RYR2: variants seen among roughly 807,000 people sequenced by gnomAD.
The protein encoded by RYR2 is ryanodine receptor 2.
In RYR2, 227 loss-of-function variants were observed where a neutral mutation model predicts 601.1. The observed-to-expected ratio is 0.38, with a 90% CI of 0.34 to 0.42. The LOEUF is 0.42. Ranked by LOEUF, RYR2 falls within the 10% of genes least tolerant of loss-of-function variation. The pLI is 1.00. For missense variants in RYR2, 4,646 were observed against 6,156.5 expected (o/e 0.75, Z 8.21); for synonymous variants, 2,223 against 2,175.1 (o/e 1.02, Z -0.61).
intron 3 of RYR2, among the ~76,000 whole-genome samples, chr1:237,339,097 T>G (rs1262150166): frequency 6.6e-6 from 1 of 152,154 alleles, no homozygotes; most frequent in African/African-American, 2.4e-5. Context: ...AGAATTAAAC[T>G]CCATTAAAAT....
At chr1:237,090,656 T>C (rs557501924) in intron 1 of RYR2, among the ~76,000 whole-genome samples, 1 of 152,348 alleles carries the variant, frequency 6.6e-6, no homozygotes, top group Non-Finnish European at 1.5e-5. Context: ...GAAACTAATA[T>C]AGGAATATAG....
intron 3 of RYR2, among the ~76,000 whole-genome samples, chr1:237,336,926 T>C (rs984459688): frequency 6.7e-6 from 1 of 149,324 alleles, no homozygotes; most frequent in Non-Finnish European, 1.5e-5. Context: ...AAAACCCCTA[T>C]CTCTTTAAGA....
At chr1:237,535,768 G>A (rs1668554794) in intron 25 of RYR2, among the ~76,000 whole-genome samples, 1 of 152,172 alleles carries the variant, frequency 6.6e-6, no homozygotes, top group Non-Finnish European at 1.5e-5. Context: ...TATCCTAGTA[G>A]TGAAAAGATA....
chr1:237,135,888 T>C (rs1407498320), intron 1 of RYR2, among the ~76,000 whole-genome samples: 1 of 152,188 alleles, frequency 6.6e-6, no homozygotes, highest in Non-Finnish European at 1.5e-5. Context: ...AGAGGTGGTG[T>C]GTGCAGGGGC....
At chr1:237,774,179 GT>G (rs574471828) in intron 87 of RYR2, among the ~76,000 whole-genome samples, 386 of 152,022 alleles carry the variant, frequency 2.5e-3, no homozygotes, top group Non-Finnish European at 4.4e-3. Context: ...AAAATTCTGG[GT>G]TTTTCTGCAA....
intron 1 of RYR2, among the ~76,000 whole-genome samples, chr1:237,185,976 A>G (rs529554163): frequency 1.3e-5 from 2 of 152,272 alleles, no homozygotes; most frequent in Admixed American, 6.5e-5. Flanking sequence ...TCAGGATTGC[A>G]CTGACACAAA....
intron 1 of RYR2, among the ~76,000 whole-genome samples, chr1:237,169,552 C>T (rs988738982): frequency 1.3e-5 from 2 of 152,154 alleles, no homozygotes; most frequent in African/African-American, 2.4e-5. Flanking sequence ...TCACCTCGAC[C>T]TCCCAAAGTG....
chr1:237,517,532 A>G (rs1457842577), intron 24 of RYR2, among the ~76,000 whole-genome samples: 6 of 152,202 alleles, frequency 3.9e-5, no homozygotes, highest in Non-Finnish European at 1.5e-5. Flanking sequence ...ATGTTTTAGG[A>G]AAGTTTATGA....
In RYR2 at chr1:237,588,190, G is replaced by A. The variant is rs903588445; in HGVS notation, c.3599-1603G>A. On this transcript the variant is annotated intron_variant, in intron 29 of 104. Coordinates refer to ENST00000366574, the MANE Select transcript of RYR2 (RefSeq NM_001035.3). ...ATTTACTCTTCCTTGAACACAGCTG[G>A]ATATGTTCTTTTTTCCTGGTTGGTG... 2.6e-5 allele frequency among the ~76,000 whole-genome samples: 4 copies of A among 152,010 alleles called. No homozygotes were observed. In the East Asian group the frequency reaches 7.7e-4, roughly 29 times the overall value.
chr1:237,057,595 A>G (rs1662332029), intron 1 of RYR2, among the ~76,000 whole-genome samples: 1 of 152,196 alleles, frequency 6.6e-6, no homozygotes, highest in Non-Finnish European at 1.5e-5. Flanking sequence ...ATAGAGGCAG[A>G]TGATATAGAC....
chr1:237,634,106 G>GTA (rs1423245476), intron 43 of RYR2, among the ~76,000 whole-genome samples: 1 of 152,152 alleles, frequency 6.6e-6, no homozygotes, highest in Non-Finnish European at 1.5e-5. Context: ...TTACTTCTGG[G>GTA]TATATATATC....
chr1:237,619,370 A>G (rs191176648), intron 38 of RYR2, among the ~76,000 whole-genome samples: 1 of 152,350 alleles, frequency 6.6e-6, no homozygotes, highest in Admixed American at 6.5e-5. Flanking sequence ...GAAAAATATA[A>G]TCACTGAAAT....
intron 84 of RYR2, among the ~76,000 whole-genome samples, chr1:237,769,777 C>A (rs1408692332): frequency 7.1e-6 from 1 of 140,876 alleles, no homozygotes; most frequent in African/African-American, 2.6e-5. Flanking sequence ...TCCATTCATT[C>A]ACTGGCTTTT....
chr1:237,650,942 C>T (rs1682666854), intron 50 of RYR2, among the ~76,000 whole-genome samples: 1 of 152,244 alleles, frequency 6.6e-6, no homozygotes, highest in Admixed American at 6.5e-5. Flanking sequence ...TGTTGCCTGA[C>T]ACAGTAGATG....
intron 79 of RYR2, among the ~76,000 whole-genome samples, chr1:237,735,362 G>A (rs1002903440): frequency 2.0e-5 from 3 of 152,146 alleles, no homozygotes; most frequent in African/African-American, 7.2e-5. Context: ...TTGTGAGGTT[G>A]AAGGGGATTA....
chr1:237,550,399 G>C, intron 26 of RYR2, 145 bp from the exon 27 acceptor site: 1 of 809,624 alleles, frequency 1.2e-6, no homozygotes, highest in Non-Finnish European at 1.9e-6. Flanking sequence ...TAGTGTTTTG[G>C]TAACTTTGCA....
chr1:237,060,244 G>A (rs1394187359), intron 1 of RYR2, among the ~76,000 whole-genome samples: 4 of 152,008 alleles, frequency 2.6e-5, no homozygotes, highest in Non-Finnish European at 4.4e-5. Context: ...TAGCCTTTCC[G>A]AATTCCTGTT....
chr1:237,048,234 G>A lies in RYR2; in HGVS notation c.48+5665G>A, dbSNP rs547323278. Among the ~76,000 whole-genome samples the A allele has an allele frequency of 9.2e-5, 14 of 152,238 alleles. No homozygotes were observed. In the South Asian group the frequency reaches 1.5e-3, roughly 16 times the overall value. Reference sequence around the variant, plus strand: ...GGAATCCACCAGCACCTAGCTTTACGGACTTAGAACAACAGTGCCTGGCTC... The same window carrying A: ...GGAATCCACCAGCACCTAGCTTTACAGACTTAGAACAACAGTGCCTGGCTC... On this transcript the variant is annotated intron_variant, in intron 1 of 104. Transcript: ENST00000366574.
intron 1 of RYR2, among the ~76,000 whole-genome samples, chr1:237,249,552 T>C (rs1687246062): frequency 1.3e-5 from 2 of 151,544 alleles, no homozygotes; most frequent in African/African-American, 4.9e-5. Context: ...GTGTAGATTT[T>C]TTATTTTTTA....
Sources: gnomAD v4.1 joint callset for allele counts (sites outside exome capture counted in the v4.1 genomes callset) on GRCh38, gnomAD v4.1.1 for gene constraint, MANE v1.5 for transcripts, NCBI Gene and HGNC (gene_info 2026-07-23, HGNC 2026-07-21) for gene names.